Variants in RLF observed in about 807,000 individuals in gnomAD.
The protein encoded by RLF is RLF zinc finger.
In RLF, 7 loss-of-function variants were observed where a neutral mutation model predicts 162.9. The observed-to-expected ratio is 0.04, with a 90% CI of 0.02 to 0.08. The LOEUF (loss-of-function observed/expected upper bound fraction) is 0.08, where lower values mean the gene tolerates loss of function less well. Ranked by LOEUF, RLF falls within the 10% of genes least tolerant of loss-of-function variation. The probability of loss-of-function intolerance (pLI) is 1.00; values close to 1 mark genes in which losing one functional copy is unlikely to be tolerated. For synonymous variants in RLF, 782 were observed against 791.5 expected (o/e 0.99, Z 0.20); for missense variants, 1,664 against 2,244.7 (o/e 0.74, Z 5.23).
Position 40,195,687 on chromosome 1 carries a change from A to G in RLF, c.530A>G (p.His177Arg). ...FGNNNLQILV[H>R]VTKEGVWKNP... ...AATAATAACCTACAAATATTGGTTC[A>G]TGTTACCAAGGAAGGGGTGTGGAAA... The change falls in exon 4 of 8, where the codon CAT (histidine) becomes CGT (arginine). Residue 177 changes from histidine to arginine, a missense_variant. By Grantham distance (29) the His-to-Arg change is conservative. Transcript: ENST00000372771. 6.2e-7 allele frequency: 1 copy of G among 1,613,488 alleles called. No individual in the cohort carries two copies. The highest frequency in any genetic ancestry group is 8.5e-7 in the Non-Finnish European group (1 of 1,179,514).
At chr1:40,189,301 CT>C in intron 2 of RLF, 92 bp downstream of exon 2, 1 of 1,018,750 alleles carries the variant, frequency 9.8e-7, no homozygotes, top group Non-Finnish European at 1.5e-6. Context: ...CACATTTATT[CT>C]TCAGAGCACC....
At chr1:40,185,245 C>T (rs1642458541) in intron 1 of RLF, among the ~76,000 whole-genome samples, 2 of 151,604 alleles carry the variant, frequency 1.3e-5, no homozygotes, top group Admixed American at 1.3e-4. Flanking sequence ...ATTCTCCAGC[C>T]TCAGCCTCCC....
intron 6 of RLF, among the ~76,000 whole-genome samples, chr1:40,225,724 A>C (rs1643062390): frequency 6.6e-6 from 1 of 151,486 alleles, no homozygotes; most frequent in Admixed American, 6.6e-5. Context: ...AAAATACGGA[A>C]AATTAGCCGA....
At position 40,240,583 on chromosome 1, in the gene RLF, T is replaced by C. The variant is rs1265247735; in HGVS notation, c.*136T>C. 2 of 642,494 alleles carry C rather than the reference T, an allele frequency of 3.1e-6. No homozygotes were observed. Among genetic ancestry groups the C allele is most frequent in the African/African-American group, 3.7e-5 (2 of 54,480 alleles). 39.8% of individuals were successfully genotyped at this position (642,494 alleles called of 1,614,324 possible). A position where few individuals can be genotyped will look rare whatever the true frequency, so the allele number is the denominator to read the frequency against. On this transcript the variant is annotated 3_prime_UTR_variant, in exon 8 of 8. Transcript: ENST00000372771. ...GCTGTGTATTTACATGAATGTATAA[T>C]ATCTATGTCAGCAGTATTGGCTGAG... is the stretch of plus-strand genomic sequence containing the variant.
chr1:40,190,556 A>T (rs1642541327), intron 2 of RLF, among the ~76,000 whole-genome samples: 1 of 152,212 alleles, frequency 6.6e-6, no homozygotes, highest in African/African-American at 2.4e-5. Flanking sequence ...TACCAAATGT[A>T]CTAAAGCAAC....
At chr1:40,221,943 A>C (rs1276414539) in intron 5 of RLF, among the ~76,000 whole-genome samples, 3 of 151,048 alleles carry the variant, frequency 2.0e-5, no homozygotes, top group Non-Finnish European at 4.4e-5. Flanking sequence ...GCCCCAGAAA[A>C]ATTTGATTGA....
chr1:40,190,426 G>A (rs1642540334), intron 2 of RLF, among the ~76,000 whole-genome samples: 1 of 152,112 alleles, frequency 6.6e-6, no homozygotes, highest in Non-Finnish European at 1.5e-5. Flanking sequence ...ATTGACAGTA[G>A]TATGAGCTCC....
chr1:40,229,508 G>T (rs1243216799), intron 6 of RLF, among the ~76,000 whole-genome samples: 1 of 136,062 alleles, frequency 7.3e-6, no homozygotes, highest in Non-Finnish European at 1.5e-5. Flanking sequence ...AGGCTGGAGC[G>T]CAGTGGTGCA....
chr1:40,166,784 C>T (rs947239110), intron 1 of RLF, among the ~76,000 whole-genome samples: 76 of 143,570 alleles, frequency 5.3e-4, no homozygotes, highest in African/African-American at 1.9e-3. Flanking sequence ...CGTTCTCACT[C>T]ATAGGTGGGA....
In RLF at chr1:40,195,614, G is replaced by A. The variant is rs1642624881; in HGVS notation, c.475-18G>A. 1 of 1,597,816 alleles carries A rather than the reference G, an allele frequency of 6.3e-7. No individual in the cohort carries two copies. The highest frequency in any genetic ancestry group is 8.5e-7 in the Non-Finnish European group (1 of 1,171,420). ...TATATTGTTAACTTATTTTCTGGGTGTGCTGTTCTTGTTCTAGGAGTCACA... is the reference window on the plus strand; with the variant it reads ...TATATTGTTAACTTATTTTCTGGGTATGCTGTTCTTGTTCTAGGAGTCACA... On this transcript the variant is annotated intron_variant, in intron 3 of 7. Coordinates refer to ENST00000372771, the MANE Select transcript of RLF (RefSeq NM_012421.4).
At chr1:40,196,612 G>A (rs1229039137) in intron 4 of RLF, among the ~76,000 whole-genome samples, 3 of 152,110 alleles carry the variant, frequency 2.0e-5, no homozygotes, top group Admixed American at 6.5e-5. Context: ...TGATCTGCCT[G>A]CCTCTGCCTC....
rs1197025663 is a variant in RLF, at chr1:40,211,628, TC to T, written c.810+9015del. On this transcript the variant is annotated intron_variant, in intron 5 of 7. Transcript: ENST00000372771. Reference sequence around the variant, plus strand: ...AACTAGTCAGTCTTTTTTTTTCCTTTCTTTTTCTTTGAGATGGTGTTTCACT... The same window carrying T: ...AACTAGTCAGTCTTTTTTTTTCCTTTTTTTTCTTTGAGATGGTGTTTCACT... 8.5e-5 allele frequency among the ~76,000 whole-genome samples: 13 copies of T among 152,260 alleles called. 1 individual carries two copies. The highest frequency in any genetic ancestry group is 3.9e-4 in the East Asian group (2 of 5,180).
chr1:40,229,611 C>T (rs1385871448), intron 6 of RLF, among the ~76,000 whole-genome samples: 4 of 151,572 alleles, frequency 2.6e-5, no homozygotes, highest in African/African-American at 7.3e-5. Context: ...TGCACCACCA[C>T]ACCCAGCTAA....
chr1:40,177,779 G>GGGAT (rs1216235046), intron 1 of RLF: 1 of 151,984 alleles, frequency 6.6e-6, no homozygotes, highest in Non-Finnish European at 1.5e-5. Context: ...TACGGTGTGA[G>GGGAT]GGATGGATGG....
intron 6 of RLF, among the ~76,000 whole-genome samples, chr1:40,224,623 C>CTTTTTTTTTT (rs1168908018): frequency 9.0e-5 from 3 of 33,262 alleles, no homozygotes; most frequent in African/African-American, 2.5e-4. Context: ...TTTTTGAAAG[C>CTTTTTTTTTT]TTTTTTTTTT....
chr1:40,164,252 G>A (rs1642136183), intron 1 of RLF, among the ~76,000 whole-genome samples: 1 of 152,144 alleles, frequency 6.6e-6, no homozygotes, highest in Non-Finnish European at 1.5e-5. Flanking sequence ...GACTTAGATT[G>A]TACCAAGTAA....
At chr1:40,166,318 G>T (rs1179337832) in intron 1 of RLF, among the ~76,000 whole-genome samples, 1 of 151,898 alleles carries the variant, frequency 6.6e-6, no homozygotes, top group Non-Finnish European at 1.5e-5. Context: ...AATCTAGTAT[G>T]TAAAAAGCAA....
At chr1:40,164,953 C>G (rs552530061) in intron 1 of RLF, among the ~76,000 whole-genome samples, 71 of 152,232 alleles carry the variant, frequency 4.7e-4, no homozygotes, top group African/African-American at 1.3e-3. Context: ...AGTACAAGGG[C>G]TCTGAGTCAG....
chr1:40,227,930 G>A (rs546664759), intron 6 of RLF, among the ~76,000 whole-genome samples: 59 of 152,160 alleles, frequency 3.9e-4, no homozygotes, highest in Non-Finnish European at 4.7e-4. Context: ...TTGAACCTGG[G>A]TGGCAGAGGT....
Sources: allele counts gnomAD v4.1 joint callset (sites outside exome capture counted in the v4.1 genomes callset), GRCh38; gene constraint gnomAD v4.1.1; transcripts MANE v1.5; gene names NCBI Gene and HGNC (gene_info 2026-07-23, HGNC 2026-07-21).